Variants in SYNE1 observed in about 807,000 individuals in gnomAD.
SYNE1 encodes nesprin-1.
A neutral mutation model predicts 1,111.0 loss-of-function variants in SYNE1; 616 were observed. That is an observed-to-expected ratio of 0.55 (90% CI 0.52 to 0.59). SYNE1 has a LOEUF of 0.59. Among genes scored for constraint, SYNE1 ranks in the 20% least tolerant of loss-of-function variants. SYNE1 has a pLI of 0.00. For synonymous variants in SYNE1, 3,855 were observed against 3,825.8 expected (o/e 1.01, Z -0.28); for missense variants, 10,006 against 10,417.0 (o/e 0.96, Z 1.72).
At chr6:152,547,852 TTTTTTTATG>T in intron 3 of SYNE1, among the ~76,000 whole-genome samples, 1 of 152,280 alleles carries the variant, frequency 6.6e-6, no homozygotes, top group South Asian at 2.1e-4. Context: ...GATTTCCTTA[TTTTTTTATG>T]GAGGAATAAT....
chr6:152,378,102 C>G (rs558723926), intron 56 of SYNE1, among the ~76,000 whole-genome samples: 1 of 152,232 alleles, frequency 6.6e-6, no homozygotes, highest in South Asian at 2.1e-4. Flanking sequence ...TCATGAATGT[C>G]AAATACTTAG....
intron 128 of SYNE1, among the ~76,000 whole-genome samples, chr6:152,185,819 A>G (rs1235824560): frequency 6.6e-6 from 1 of 152,236 alleles, no homozygotes; most frequent in Non-Finnish European, 1.5e-5. Context: ...ATTTTACAAC[A>G]TATGAATGAC....
intron 104 of SYNE1, among the ~76,000 whole-genome samples, chr6:152,254,352 A>G (rs1189876068): frequency 6.9e-6 from 1 of 144,886 alleles, no homozygotes; most frequent in Admixed American, 7.3e-5. Flanking sequence ...CCCGGGTTCA[A>G]GCGATCCTCC....
chr6:152,208,280 C>T, intron 124 of SYNE1, 74 bp from the exon 125 acceptor site: 2 of 1,316,048 alleles, frequency 1.5e-6, no homozygotes, highest in Non-Finnish European at 2.2e-6. Context: ...CCAATGTATA[C>T]ACTGTCAACA....
At chr6:152,218,157 A>G (rs775455649) in intron 121 of SYNE1, 100 bp downstream of exon 121, 4 of 1,401,174 alleles carry the variant, frequency 2.9e-6, no homozygotes, top group Non-Finnish European at 4.0e-6. Context: ...ACACCACGGC[A>G]CTCCAGCTTG....
intron 126 of SYNE1, among the ~76,000 whole-genome samples, chr6:152,205,825 G>C (rs564373391): frequency 6.6e-6 from 1 of 152,306 alleles, no homozygotes; most frequent in East Asian, 1.9e-4. Context: ...TAGAGTCTCA[G>C]ATTAGGGAGT....
At chr6:152,284,630 TTTTTTTTA>T (rs1181897926) in intron 95 of SYNE1, among the ~76,000 whole-genome samples, 6 of 145,646 alleles carry the variant, frequency 4.1e-5, no homozygotes, top group African/African-American at 1.6e-4. Context: ...TTTTTTTTTT[TTTTTTTTA>T]CTTTTTGTAA....
chr6:152,318,771 C>G, intron 85 of SYNE1, 92 bp downstream of exon 85: 2 of 1,507,116 alleles, frequency 1.3e-6, no homozygotes, highest in East Asian at 4.7e-5. Context: ...AAAAAGGTTC[C>G]TAAAAGGTTT....
intron 2 of SYNE1, among the ~76,000 whole-genome samples, chr6:152,631,843 T>C (rs933091218): frequency 6.6e-6 from 1 of 152,178 alleles, no homozygotes; most frequent in Non-Finnish European, 1.5e-5. Flanking sequence ...AGGGGCCTTA[T>C]AGGTTTTACA....
Position 152,207,980 on chromosome 6 carries a change from C to T in SYNE1, c.22816G>A (p.Glu7606Lys). Residue 7606 changes from glutamate to lysine, a missense_variant, in exon 125 of 146, where the codon GAA becomes AAA. Physicochemically the swap from Glu to Lys is moderately conservative, Grantham distance 56. Transcript: ENST00000367255. ...PLQQARTLFD[E>K]VQFKEKVFLR... The stretch of plus-strand genomic sequence containing the variant: ...TGTGTTTTGCATCTTACCTGCACTT[C>T]ATCAAAGAGGGTCCTTGCTTGTTGC... The T allele has an allele frequency of 3.1e-6, 5 of 1,614,168 alleles. No individual in the cohort carries two copies. Among genetic ancestry groups the T allele is most frequent in the Non-Finnish European group, 4.2e-6 (5 of 1,180,028 alleles).
chr6:152,419,716 A>G lies in SYNE1; in HGVS notation c.5274T>C (p.Asn1758=). 1 of 1,614,022 alleles carries G rather than the reference A, an allele frequency of 6.2e-7. No homozygotes were observed. The highest frequency in any genetic ancestry group is 1.3e-5 in the African/African-American group (1 of 75,022). ...DLPQIINKRI[N]FLQSVVAEHQ... is the part of the protein sequence containing the mutation. ...GTTCAGCAACCACAGACTGAAGAAA[A>G]TTAATCCTATGTAGACAAAGTATTA... Residue 1758 remains asparagine (N), a synonymous_variant, in exon 40 of 146, where the codon AAT becomes AAC. Coordinates refer to ENST00000367255, the MANE Select transcript of SYNE1 (RefSeq NM_182961.4).
intron 93 of SYNE1, among the ~76,000 whole-genome samples, chr6:152,299,297 G>A (rs1240953839): frequency 6.6e-6 from 1 of 152,120 alleles, no homozygotes; most frequent in African/African-American, 2.4e-5. Context: ...CTTAATTTCT[G>A]TAATAACATC....
At chr6:152,365,570 C>T (rs1338666068) in intron 62 of SYNE1, among the ~76,000 whole-genome samples, 2 of 152,032 alleles carry the variant, frequency 1.3e-5, no homozygotes, top group East Asian at 3.9e-4. Context: ...AGCGATCCTT[C>T]TAGCTCAGCC....
chr6:152,625,583 T>A (rs971886489), intron 3 of SYNE1, among the ~76,000 whole-genome samples: 1 of 152,180 alleles, frequency 6.6e-6, no homozygotes. Context: ...GTCTTCTGAA[T>A]TTTCAGGCTT....
At chr6:152,488,263 G>A in intron 12 of SYNE1, 133 bp downstream of exon 12, 1 of 606,124 alleles carries the variant, frequency 1.6e-6, no homozygotes, top group South Asian at 2.1e-5. Context: ...CAAACTTAGG[G>A]TAATGAATGT....
intron 66 of SYNE1, 35 bp from the exon 67 acceptor site, chr6:152,355,011 C>A (rs1170902729): frequency 1.2e-6 from 2 of 1,608,896 alleles, no homozygotes; most frequent in East Asian, 4.5e-5. Context: ...CACTCTCAAT[C>A]ATATTTCACA....
Position 152,305,406 on chromosome 6 carries a change from C to CA in SYNE1, c.17346+3082dup, listed in dbSNP as rs1421432508. Among the ~76,000 whole-genome samples the CA allele has an allele frequency of 2.6e-5, 4 of 152,174 alleles. No homozygotes were observed. In the East Asian group the frequency reaches 5.8e-4, roughly 22 times the overall value. On this transcript the variant is annotated intron_variant, in intron 91 of 145. Coordinates refer to ENST00000367255, the MANE Select transcript of SYNE1 (RefSeq NM_182961.4). The stretch of plus-strand genomic sequence containing the variant: ...TCAGCCTCCCGAGTAGCTGAGACTA[C>CA]AGACACCCGTCACCACCCAGGCTAA...
intron 53 of SYNE1, 123 bp downstream of exon 53, chr6:152,390,156 AG>A: frequency 1.0e-6 from 1 of 991,616 alleles, no homozygotes; most frequent in Non-Finnish European, 1.6e-6. Context: ...AGACAAAGAC[AG>A]GCATGCCTAC....
At chr6:152,246,439 A>C (rs1291585825) in intron 105 of SYNE1, among the ~76,000 whole-genome samples, 3 of 152,214 alleles carry the variant, frequency 2.0e-5, no homozygotes, top group Non-Finnish European at 4.4e-5. Flanking sequence ...TCGGAGAACC[A>C]AAGTGAGCTC....
Sources: gnomAD v4.1 joint callset for allele counts (sites outside exome capture counted in the v4.1 genomes callset) on GRCh38, gnomAD v4.1.1 for gene constraint, MANE v1.5 for transcripts, NCBI Gene and HGNC (gene_info 2026-07-23, HGNC 2026-07-21) for gene names.